Variants in BANK1 observed in about 807,000 individuals in gnomAD.
The protein encoded by BANK1 is B cell scaffold protein with ankyrin repeats 1.
A neutral mutation model predicts 94.5 loss-of-function variants in BANK1; 95 were observed. The ratio of observed to expected loss-of-function variants is 1.00; its 90% CI spans 0.85 to 1.19. BANK1 has a LOEUF of 1.19. BANK1 is among the 50% of genes most tolerant of loss of function. The pLI, the probability that BANK1 is intolerant of heterozygous loss-of-function variation, is 0.00. For missense variants in BANK1, 987 were observed against 932.2 expected (o/e 1.06, Z -0.77); for synonymous variants, 334 against 308.4 (o/e 1.08, Z -0.87).
At chr4:101,848,590 C>T (rs745606454) in intron 2 of BANK1, among the ~76,000 whole-genome samples, 3 of 152,112 alleles carry the variant, frequency 2.0e-5, no homozygotes, top group Non-Finnish European at 4.4e-5. Context: ...TACAGTCATG[C>T]ACTTGAGATA....
chr4:101,854,945 T>G, intron 2 of BANK1, 90 bp from the exon 3 acceptor site: 1 of 962,102 alleles, frequency 1.0e-6, no homozygotes. Context: ...GTATATTAAA[T>G]TGGTTGTTTA....
chr4:102,007,057 A>ATTT (rs1371843124), intron 7 of BANK1, among the ~76,000 whole-genome samples: 1 of 117,826 alleles, frequency 8.5e-6, no homozygotes, highest in Non-Finnish European at 1.8e-5. Flanking sequence ...ATATATATAA[A>ATTT]ATATATAATT....
At chr4:101,971,590 A>G (rs1437947818) in intron 7 of BANK1, among the ~76,000 whole-genome samples, 1 of 152,100 alleles carries the variant, frequency 6.6e-6, no homozygotes, top group Non-Finnish European at 1.5e-5. Context: ...AATCAATGTC[A>G]TGTAGTTTTC....
At chr4:101,986,899 G>GTA (rs1166018412) in intron 7 of BANK1, among the ~76,000 whole-genome samples, 11,629 of 82,574 alleles carry the variant, frequency 0.14, 1,887 homozygotes, top group Middle Eastern at 0.17. Flanking sequence ...GTGTGTGTGT[G>GTA]TATATATATA....
At chr4:101,906,270 A>G (rs776577387) in intron 6 of BANK1, among the ~76,000 whole-genome samples, 1 of 152,266 alleles carries the variant, frequency 6.6e-6, no homozygotes, top group Non-Finnish European at 1.5e-5. Flanking sequence ...ATACTGATTT[A>G]TAGCTTGTGG....
intron 7 of BANK1, among the ~76,000 whole-genome samples, chr4:101,991,969 A>C (rs947542865): frequency 1.3e-5 from 2 of 152,218 alleles, no homozygotes; most frequent in African/African-American, 4.8e-5. Flanking sequence ...GCCTGAGAGC[A>C]AATGAACCAC....
At chr4:101,946,349 G>A (rs774367251) in intron 7 of BANK1, among the ~76,000 whole-genome samples, 10 of 151,956 alleles carry the variant, frequency 6.6e-5, no homozygotes, top group Non-Finnish European at 8.8e-5. Flanking sequence ...GTGTTGGCAC[G>A]TAATAGATAC....
chr4:102,044,118 T>G (rs1304624154), intron 11 of BANK1, among the ~76,000 whole-genome samples: 1 of 152,116 alleles, frequency 6.6e-6, no homozygotes, highest in Admixed American at 6.6e-5. Context: ...GCCATACTGG[T>G]GTGCTGCACC....
At chr4:101,932,725 C>A (rs892782672) in intron 7 of BANK1, among the ~76,000 whole-genome samples, 6 of 151,394 alleles carry the variant, frequency 4.0e-5, no homozygotes, top group Admixed American at 1.3e-4. Context: ...ATTGTGAGAC[C>A]GCTCATTCCT....
In BANK1 at chr4:101,944,022, T is replaced by TTGTGTGTG. The variant is rs70937503; in HGVS notation, c.1206+25844_1206+25851dup. Among the ~76,000 whole-genome samples the TTGTGTGTG allele has an allele frequency of 5.0e-3, 739 of 148,232 alleles. 12 individuals carry two copies. Among genetic ancestry groups the TTGTGTGTG allele is most frequent in the East Asian group, 0.05 (247 of 4,958 alleles). ...ATAACCAGTAAATGTGTGTGTGTGT[T>TTGTGTGTG]TGTGTGTGTGTGTGTGTGAGAGAGA... On this transcript the variant is annotated intron_variant, in intron 7 of 16. Transcript: ENST00000322953.
intron 7 of BANK1, among the ~76,000 whole-genome samples, chr4:101,927,171 A>T (rs1359807535): frequency 6.6e-6 from 1 of 151,726 alleles, no homozygotes; most frequent in Non-Finnish European, 1.5e-5. Flanking sequence ...ACTTACAATC[A>T]TGGCGGAAGG....
chr4:101,985,309 T>A (rs1045748037), intron 7 of BANK1, among the ~76,000 whole-genome samples: 6 of 152,154 alleles, frequency 3.9e-5, no homozygotes, highest in African/African-American at 1.2e-4. Flanking sequence ...TGGAGGAGGG[T>A]AATTTGCTTT....
chr4:101,997,810 C>G (rs1305800849), intron 7 of BANK1, among the ~76,000 whole-genome samples: 1 of 152,020 alleles, frequency 6.6e-6, no homozygotes, highest in Non-Finnish European at 1.5e-5. Flanking sequence ...ATTCTTCTCT[C>G]TTTTCTTCTT....
intron 2 of BANK1, among the ~76,000 whole-genome samples, chr4:101,849,415 G>T (rs556734265): frequency 6.6e-6 from 1 of 152,150 alleles, no homozygotes; most frequent in East Asian, 1.9e-4. Context: ...CTTCTGAGGA[G>T]GCCAACCTGA....
At chr4:102,004,968 T>C (rs1276822036) in intron 7 of BANK1, among the ~76,000 whole-genome samples, 9 of 152,092 alleles carry the variant, frequency 5.9e-5, no homozygotes, top group Non-Finnish European at 1.3e-4. Context: ...ATCTCCTACA[T>C]AGACATCATT....
chr4:102,023,026 G>A (rs901794431), intron 8 of BANK1, among the ~76,000 whole-genome samples: 4 of 151,998 alleles, frequency 2.6e-5, no homozygotes, highest in Non-Finnish European at 5.9e-5. Context: ...CATTTAATAT[G>A]ATATATTATT....
chr4:101,929,746 T>C (rs1446985684), intron 7 of BANK1, among the ~76,000 whole-genome samples: 5 of 151,488 alleles, frequency 3.3e-5, no homozygotes, highest in Non-Finnish European at 7.4e-5. Flanking sequence ...CTAATGTTGA[T>C]AACCCTTCCT....
chr4:102,014,309 C>T (rs575986661), intron 7 of BANK1, among the ~76,000 whole-genome samples: 1 of 152,126 alleles, frequency 6.6e-6, no homozygotes, highest in African/African-American at 2.4e-5. Context: ...TTGCTCTTTG[C>T]CATTTGCATA....
chr4:102,030,945 G>C (rs950703861), intron 10 of BANK1, among the ~76,000 whole-genome samples: 1 of 152,090 alleles, frequency 6.6e-6, no homozygotes, highest in African/African-American at 2.4e-5. Context: ...AATACTTTGG[G>C]TATATACCCA....
Sources: gnomAD v4.1 joint callset for allele counts (sites outside exome capture counted in the v4.1 genomes callset) on GRCh38, gnomAD v4.1.1 for gene constraint, MANE v1.5 for transcripts, NCBI Gene and HGNC (gene_info 2026-07-23, HGNC 2026-07-21) for gene names.